Variants in SP100 observed in about 807,000 individuals in gnomAD.
The protein encoded by SP100 is nuclear autoantigen Sp-100.
A neutral mutation model predicts 130.0 loss-of-function variants in SP100; 84 were observed. That is an observed-to-expected ratio of 0.65 (90% CI 0.54 to 0.77). The LOEUF is 0.77. SP100 is among the 30% of genes least tolerant of loss of function. SP100 has a pLI of 0.00. For synonymous variants in SP100, 331 were observed against 351.7 expected, an observed-to-expected ratio of 0.94 and a Z score of 0.66; for missense variants, 978 against 1,052.2, an observed-to-expected ratio of 0.93 and a Z score of 0.97.
At chr2:230,508,225 G>A in intron 23 of SP100, 194 bp downstream of exon 23, 1 of 742,022 alleles carries the variant, frequency 1.3e-6, no homozygotes, top group Non-Finnish European at 2.0e-6. Flanking sequence ...AAACGTTTGA[G>A]ATAGAGGTGG....
chr2:230,499,814 A>G (rs1019936412), intron 19 of SP100, among the ~76,000 whole-genome samples: 5 of 152,024 alleles, frequency 3.3e-5, no homozygotes, highest in African/African-American at 1.2e-4. Flanking sequence ...TGACATTCCC[A>G]GGGACGGAGG....
At chr2:230,526,455 G>A (rs942225001) in intron 24 of SP100, among the ~76,000 whole-genome samples, 5 of 152,188 alleles carry the variant, frequency 3.3e-5, no homozygotes, top group Non-Finnish European at 5.9e-5. Flanking sequence ...CAAAGATGGG[G>A]AGAAACCACA....
chr2:230,443,774 G>T (rs1423452740), intron 3 of SP100, among the ~76,000 whole-genome samples: 2 of 152,174 alleles, frequency 1.3e-5, no homozygotes, highest in Admixed American at 1.3e-4. Flanking sequence ...GAGACTGGTT[G>T]CCTGGTTTCC....
intron 18 of SP100, among the ~76,000 whole-genome samples, chr2:230,495,932 CATAG>C (rs1446801269): frequency 2.0e-5 from 3 of 152,078 alleles, no homozygotes; most frequent in Admixed American, 2.0e-4. Context: ...CACTCATATA[CATAG>C]ATATATATGT....
At chr2:230,461,985 T>TA (rs2064674951) in intron 9 of SP100, among the ~76,000 whole-genome samples, 2 of 138,184 alleles carry the variant, frequency 1.4e-5, no homozygotes, top group Admixed American at 1.4e-4. Flanking sequence ...AAATAAAAAA[T>TA]AAAAAAGAGA....
At chr2:230,424,315 G>A (rs529503989) in intron 2 of SP100, among the ~76,000 whole-genome samples, 7 of 152,284 alleles carry the variant, frequency 4.6e-5, no homozygotes, top group South Asian at 4.1e-4. Flanking sequence ...GCCCAACCTG[G>A]CCAGAGCTCA....
At chr2:230,468,420 A>G (rs1302107925) in intron 13 of SP100, among the ~76,000 whole-genome samples, 2 of 152,196 alleles carry the variant, frequency 1.3e-5, no homozygotes, top group African/African-American at 4.8e-5. Flanking sequence ...ACCAAATATG[A>G]TAAGATTTTA....
rs1419418490 is a variant in SP100, at chr2:230,448,617, C to T, written c.524-471C>T. Among the ~76,000 whole-genome samples, 13 of 151,916 alleles carry T rather than the reference C, an allele frequency of 8.6e-5. No homozygotes were observed. The East Asian group carries it at 1.9e-3, about 23-fold the overall frequency. The stretch of plus-strand genomic sequence containing the variant: ...AAAAAGATCCAGAAAAAAAGAATAC[C>T]AAGAGCTGGAGGAAGTAGAGGCTAC... On this transcript the variant is annotated intron_variant, in intron 5 of 28. Transcript: ENST00000340126.
At chr2:230,471,076 A>G (rs1205443622) in intron 15 of SP100, among the ~76,000 whole-genome samples, 5 of 152,348 alleles carry the variant, frequency 3.3e-5, no homozygotes, top group African/African-American at 9.6e-5. Flanking sequence ...GCTATATAAT[A>G]TACAAAATAC....
intron 24 of SP100, among the ~76,000 whole-genome samples, chr2:230,537,482 A>G: frequency 6.6e-6 from 1 of 152,192 alleles, no homozygotes; most frequent in East Asian, 1.9e-4. Context: ...AGGGAGACCC[A>G]TAGGGCCATT....
chr2:230,486,043 G>C (rs1253053028), intron 17 of SP100, among the ~76,000 whole-genome samples: 1 of 146,062 alleles, frequency 6.8e-6, no homozygotes, highest in Non-Finnish European at 1.5e-5. Context: ...CTGTTGTAAA[G>C]ATCTACCTGA....
chr2:230,495,453 G>A (rs575720511), intron 18 of SP100, among the ~76,000 whole-genome samples: 2 of 152,288 alleles, frequency 1.3e-5, no homozygotes, highest in East Asian at 3.9e-4. Context: ...CCGAGTAGCT[G>A]GGATTACAGG....
chr2:230,430,928 A>G (rs986403206), intron 2 of SP100, among the ~76,000 whole-genome samples: 40 of 152,332 alleles, frequency 2.6e-4, no homozygotes, highest in African/African-American at 9.4e-4. Flanking sequence ...CTGGGCAAAG[A>G]CATATGCTAG....
intron 2 of SP100, among the ~76,000 whole-genome samples, chr2:230,431,957 C>T (rs2063112290): frequency 6.6e-6 from 1 of 152,102 alleles, no homozygotes; most frequent in African/African-American, 2.4e-5. Flanking sequence ...AACAGAATTA[C>T]AGAGTTGTGC....
intron 2 of SP100, among the ~76,000 whole-genome samples, chr2:230,435,819 C>T (rs1203296212): frequency 6.6e-6 from 1 of 152,020 alleles, no homozygotes; most frequent in Non-Finnish European, 1.5e-5. Flanking sequence ...ATGCAGTCAG[C>T]ACTATTCACA....
intron 24 of SP100, chr2:230,515,906 C>T: frequency 8.5e-7 from 1 of 1,177,764 alleles, no homozygotes; most frequent in East Asian, 4.2e-5. Flanking sequence ...CTTGTTAGTG[C>T]ACAGCACAAA....
intron 24 of SP100, among the ~76,000 whole-genome samples, chr2:230,528,504 C>T (rs1461947481): frequency 1.3e-5 from 2 of 150,896 alleles, no homozygotes; most frequent in African/African-American, 4.9e-5. Context: ...ACCCTAACAT[C>T]ACAATTAAAA....
intron 24 of SP100, among the ~76,000 whole-genome samples, chr2:230,529,689 C>T (rs1002523649): frequency 6.6e-6 from 1 of 152,206 alleles, no homozygotes; most frequent in Non-Finnish European, 1.5e-5. Flanking sequence ...CCCATCGTCT[C>T]AGCCCAAAAT....
Position 230,506,382 on chromosome 2 carries a change from A to G in SP100, c.1950A>G (p.Gly650=). 2 of 1,613,966 alleles carry G rather than the reference A, an allele frequency of 1.2e-6. No individual in the cohort carries two copies. Among genetic ancestry groups the G allele is most frequent in the Non-Finnish European group, 1.7e-6 (2 of 1,179,840 alleles). ...PREFEIEGDR[G]ASKNWKLSIR... ...AATTTGAAATTGAAGGAGACCGCGG[A>G]GCATCCAAGAACTGGAAGCTAAGTA... The change falls in exon 22 of 29, where the codon GGA becomes GGG. Residue 650 remains glycine, a synonymous_variant. Coordinates refer to ENST00000340126, the MANE Select transcript of SP100 (RefSeq NM_001080391.2).
Sources: gnomAD v4.1 joint callset for allele counts (sites outside exome capture counted in the v4.1 genomes callset) on GRCh38, gnomAD v4.1.1 for gene constraint, MANE v1.5 for transcripts, NCBI Gene and HGNC (gene_info 2026-07-23, HGNC 2026-07-21) for gene names.